Variants in PLPPR1 observed in about 807,000 individuals in gnomAD.
PLPPR1 encodes phospholipid phosphatase-related protein type 1.
A neutral mutation model predicts 33.1 loss-of-function variants in PLPPR1; 10 were observed. That is an observed-to-expected ratio of 0.30 (90% CI 0.19 to 0.51). The LOEUF (loss-of-function observed/expected upper bound fraction) is 0.51, where lower values mean the gene tolerates loss of function less well. Ranked by LOEUF, PLPPR1 falls within the 20% of genes least tolerant of loss-of-function variation. PLPPR1 has a pLI of 0.97. For synonymous variants in PLPPR1, 151 were observed against 151.0 expected, an observed-to-expected ratio of 1.00 and a Z score of 0.00; for missense variants, 304 against 408.1, an observed-to-expected ratio of 0.74 and a Z score of 2.20.
chr9:101,273,464 C>T (rs557882425), intron 3 of PLPPR1, among the ~76,000 whole-genome samples: 4 of 152,166 alleles, frequency 2.6e-5, no homozygotes, highest in Admixed American at 1.3e-4. Flanking sequence ...ATGTAGCCCC[C>T]ATTCACCTGA....
intron 2 of PLPPR1, among the ~76,000 whole-genome samples, chr9:101,212,885 A>G (rs1377575780): frequency 6.6e-6 from 1 of 152,208 alleles, no homozygotes; most frequent in Non-Finnish European, 1.5e-5. Context: ...ATTTTTATCT[A>G]GAAGTGCCAC....
chr9:101,035,476 C>T (rs1403784449), intron 1 of PLPPR1, among the ~76,000 whole-genome samples: 3 of 152,144 alleles, frequency 2.0e-5, no homozygotes, highest in South Asian at 4.1e-4. Flanking sequence ...ACCTTCAGGC[C>T]TTTCGCCATG....
At chr9:101,083,168 C>CT (rs1473775131) in intron 1 of PLPPR1, among the ~76,000 whole-genome samples, 2 of 151,754 alleles carry the variant, frequency 1.3e-5, no homozygotes, top group Non-Finnish European at 2.9e-5. Flanking sequence ...TTTTTGTTTT[C>CT]TTTTTTTTGA....
chr9:101,102,155 ATT>A (rs1156530370), intron 1 of PLPPR1, among the ~76,000 whole-genome samples: 5 of 27,286 alleles, frequency 1.8e-4, no homozygotes, highest in African/African-American at 8.5e-4. Flanking sequence ...TTTTTATTTT[ATT>A]ATTATACTTT....
intron 2 of PLPPR1, among the ~76,000 whole-genome samples, chr9:101,254,914 G>C (rs994711528): frequency 2.0e-5 from 3 of 151,946 alleles, no homozygotes; most frequent in African/African-American, 7.3e-5. Context: ...CTGGGTTATA[G>C]GGCATATGCA....
intron 7 of PLPPR1, among the ~76,000 whole-genome samples, chr9:101,323,321 A>G (rs1481521953): frequency 6.6e-6 from 1 of 151,398 alleles, no homozygotes; most frequent in African/African-American, 2.4e-5. Flanking sequence ...ATAGTGAGAC[A>G]CTGTCTCTAC....
intron 2 of PLPPR1, among the ~76,000 whole-genome samples, chr9:101,195,668 T>C (rs1826381364): frequency 6.6e-6 from 1 of 152,124 alleles, no homozygotes; most frequent in African/African-American, 2.4e-5. Context: ...CAACCATATA[T>C]ACTGAAGTAT....
At chr9:101,323,889 G>T in intron 7 of PLPPR1, 136 bp from the exon 8 acceptor site, 1 of 558,990 alleles carries the variant, frequency 1.8e-6, no homozygotes, top group Non-Finnish European at 3.1e-6. Context: ...CAGGGGCCTT[G>T]GAAAAGCATA....
chr9:101,158,056 G>T (rs900883865), intron 1 of PLPPR1, among the ~76,000 whole-genome samples: 1 of 151,978 alleles, frequency 6.6e-6, no homozygotes, highest in South Asian at 2.1e-4. Flanking sequence ...ACAAGCTTAA[G>T]GAAGATGGTT....
chr9:101,135,333 A>G (rs1019861673), intron 1 of PLPPR1, among the ~76,000 whole-genome samples: 1 of 152,182 alleles, frequency 6.6e-6, no homozygotes, highest in Non-Finnish European at 1.5e-5. Flanking sequence ...TGGTTATTAG[A>G]GTGATGGCTT....
At chr9:101,197,152 A>G (rs1026464268) in intron 2 of PLPPR1, among the ~76,000 whole-genome samples, 2 of 152,172 alleles carry the variant, frequency 1.3e-5, no homozygotes, top group Non-Finnish European at 2.9e-5. Flanking sequence ...CTTGTTACCC[A>G]GAGAACTAGC....
chr9:101,073,567 T>G (rs1479208725), intron 1 of PLPPR1, among the ~76,000 whole-genome samples: 1 of 152,080 alleles, frequency 6.6e-6, no homozygotes, highest in Non-Finnish European at 1.5e-5. Context: ...GTGGAGAAAT[T>G]GATTGTAGAA....
intron 1 of PLPPR1, among the ~76,000 whole-genome samples, chr9:101,164,071 C>T (rs2118676703): frequency 6.6e-6 from 1 of 152,282 alleles, no homozygotes; most frequent in East Asian, 1.9e-4. Flanking sequence ...AACCATCATC[C>T]AGAAAGCTAA....
At chr9:101,221,011 A>G (rs1826921664) in intron 2 of PLPPR1, among the ~76,000 whole-genome samples, 2 of 152,248 alleles carry the variant, frequency 1.3e-5, no homozygotes, top group Non-Finnish European at 2.9e-5. Context: ...TAACAATGTT[A>G]ACATGACTCC....
At chr9:101,292,172 A>G (rs1029492860) in intron 4 of PLPPR1, among the ~76,000 whole-genome samples, 16 of 152,366 alleles carry the variant, frequency 1.1e-4, no homozygotes, top group African/African-American at 3.8e-4. Flanking sequence ...GACGCAATCA[A>G]CTGGAAGAAA....
At chr9:101,318,423 A>G (rs547114216) in intron 7 of PLPPR1, among the ~76,000 whole-genome samples, 1 of 152,280 alleles carries the variant, frequency 6.6e-6, no homozygotes, top group South Asian at 2.1e-4. Context: ...CATTACTTGA[A>G]CAACCACCCT....
intron 1 of PLPPR1, among the ~76,000 whole-genome samples, chr9:101,078,932 C>G (rs2118506019): frequency 6.6e-6 from 1 of 152,290 alleles, no homozygotes; most frequent in East Asian, 1.9e-4. Context: ...ATGTCATCCT[C>G]TAAACAATGT....
At chr9:101,151,554 C>G (rs552932848) in intron 1 of PLPPR1, among the ~76,000 whole-genome samples, 9 of 152,316 alleles carry the variant, frequency 5.9e-5, no homozygotes, top group Admixed American at 3.9e-4. Flanking sequence ...AAGCAATGAG[C>G]TAATTGCCAG....
At position 101,043,133 on chromosome 9, in the gene PLPPR1, C is replaced by CT. The variant is rs1193377584; in HGVS notation, c.-46+14031_-46+14032insT. On this transcript the variant is annotated intron_variant, in intron 1 of 7. Transcript: ENST00000374874. ...CCTTTCCTTCCTCATAGTTTAGCTC[C>CT]CACTTATGAGTGAGAACATACGATG... Among the ~76,000 whole-genome samples the CT allele has an allele frequency of 4.6e-5, 7 of 152,102 alleles. No individual in the cohort carries two copies. In the East Asian group the frequency reaches 1.4e-3, roughly 30 times the overall value.
Sources: gnomAD v4.1 joint callset for allele counts (sites outside exome capture counted in the v4.1 genomes callset) on GRCh38, gnomAD v4.1.1 for gene constraint, MANE v1.5 for transcripts, NCBI Gene and HGNC (gene_info 2026-07-23, HGNC 2026-07-21) for gene names.